Variants in PLEKHA7 observed in about 807,000 individuals in gnomAD.
PLEKHA7 encodes the protein pleckstrin homology domain-containing family A member 7.
A neutral mutation model predicts 170.0 loss-of-function variants in PLEKHA7; 104 were observed. The observed-to-expected ratio is 0.61, with a 90% CI of 0.52 to 0.72. PLEKHA7 has a LOEUF of 0.72. PLEKHA7 is among the 30% of genes least tolerant of loss of function. The probability of loss-of-function intolerance (pLI) is 0.00; values close to 1 mark genes in which losing one functional copy is unlikely to be tolerated. For missense variants in PLEKHA7, 1,615 were observed against 1,671.7 expected (o/e 0.97, Z 0.59); for synonymous variants, 648 against 660.8 (o/e 0.98, Z 0.30).
intron 3 of PLEKHA7, among the ~76,000 whole-genome samples, chr11:16,954,085 G>C (rs545620194): frequency 6.6e-6 from 1 of 152,172 alleles, no homozygotes; most frequent in South Asian, 2.1e-4. Flanking sequence ...CAAAGATAGA[G>C]GACACTCCAC....
At chr11:16,804,749 G>A (rs1848830720) in intron 13 of PLEKHA7, among the ~76,000 whole-genome samples, 1 of 152,224 alleles carries the variant, frequency 6.6e-6, no homozygotes, top group African/African-American at 2.4e-5. Context: ...GTGTTGTTGA[G>A]TTCCCGGAAA....
intron 3 of PLEKHA7, among the ~76,000 whole-genome samples, chr11:16,962,175 A>G (rs1227957158): frequency 6.6e-6 from 1 of 152,198 alleles, no homozygotes. Context: ...GCAAAGTGCT[A>G]GAGACAGACT....
rs546996975 is a variant in PLEKHA7, at chr11:16,789,412, A to G, written c.3157-116T>C. 5.3e-5 allele frequency: 52 copies of G among 974,244 alleles called. No homozygotes were observed. In the African/African-American group the frequency reaches 6.6e-4, roughly 12 times the overall value. The allele number at this position is 974,244 out of a possible 1,614,324, so 60.3% of individuals were successfully genotyped here. A position where few individuals can be genotyped will look rare whatever the true frequency, so the allele number is the denominator to read the frequency against. On this transcript the variant is annotated intron_variant, in intron 22 of 26. Coordinates refer to ENST00000531066, the MANE Select transcript of PLEKHA7 (RefSeq NM_001329630.2). The surrounding 1 kb of genome is among the most constrained non-coding windows in gnomAD (Gnocchi z 4.6). ...TCTCTCTCACACACATGCACACTCT[A>G]GTTGGGCTCCTCTTGGCCTTAGAGA...
intron 3 of PLEKHA7, among the ~76,000 whole-genome samples, chr11:16,896,180 A>C (rs1856981112): frequency 6.6e-6 from 1 of 152,188 alleles, no homozygotes; most frequent in Non-Finnish European, 1.5e-5. Context: ...ACTTCTTCCA[A>C]GATGTCCTCT....
At chr11:16,982,270 C>T (rs758499700) in intron 3 of PLEKHA7, among the ~76,000 whole-genome samples, 6 of 152,264 alleles carry the variant, frequency 3.9e-5, no homozygotes, top group Non-Finnish European at 8.8e-5. Context: ...AATGCAGGCT[C>T]CCTGCATAAA....
rs1370221268 is a variant in PLEKHA7 at position 16,791,839 on chromosome 11, A to G, written c.2746-640T>C. 3 of 373,412 alleles carry G rather than the reference A, an allele frequency of 8.0e-6. No homozygotes were observed. The highest frequency in any genetic ancestry group is 2.1e-5 in the African/African-American group (1 of 47,522). 23.1% of individuals were successfully genotyped at this position (373,412 alleles called of 1,614,324 possible). On this transcript the variant is annotated intron_variant, in intron 19 of 26. Coordinates refer to ENST00000531066, the MANE Select transcript of PLEKHA7 (RefSeq NM_001329630.2). This position sits in a 1 kb window ranked among gnomAD's most constrained non-coding sequence, Gnocchi z 4.5. Reference sequence around the variant, plus strand: ...TTCCCTAGAATGTGATGAATGCAACATTTTCCTTGAAACTCCCTGTCCACA... The same window carrying G: ...TTCCCTAGAATGTGATGAATGCAACGTTTTCCTTGAAACTCCCTGTCCACA...
At chr11:16,858,264 T>C (rs965034479) in intron 4 of PLEKHA7, among the ~76,000 whole-genome samples, 6 of 152,212 alleles carry the variant, frequency 3.9e-5, no homozygotes, top group African/African-American at 1.4e-4. Context: ...AAATTATATA[T>C]GTGACTTCAC....
At chr11:16,979,001 G>C (rs1443507060) in intron 3 of PLEKHA7, among the ~76,000 whole-genome samples, 3 of 152,130 alleles carry the variant, frequency 2.0e-5, no homozygotes, top group African/African-American at 7.2e-5. Flanking sequence ...ACCAGAACAA[G>C]ATTTGTAAAG....
intron 4 of PLEKHA7, among the ~76,000 whole-genome samples, chr11:16,865,211 G>A (rs933687558): frequency 3.9e-5 from 6 of 152,176 alleles, no homozygotes; most frequent in Admixed American, 6.5e-5. Flanking sequence ...CAAAAACCAC[G>A]ATGTAACAGA....
intron 9 of PLEKHA7, among the ~76,000 whole-genome samples, chr11:16,826,980 A>G (rs2134972544): frequency 6.6e-6 from 1 of 152,318 alleles, no homozygotes; most frequent in South Asian, 2.1e-4. Flanking sequence ...TGGAATAGGC[A>G]CTCCGTAACT....
intron 3 of PLEKHA7, among the ~76,000 whole-genome samples, chr11:16,972,278 C>T (rs1028088917): frequency 1.3e-5 from 2 of 152,010 alleles, no homozygotes; most frequent in East Asian, 1.9e-4. Flanking sequence ...CACACCACCA[C>T]ACTCAGCTAA....
chr11:16,970,200 C>T (rs1224272559), intron 3 of PLEKHA7, among the ~76,000 whole-genome samples: 3 of 152,320 alleles, frequency 2.0e-5, no homozygotes, highest in East Asian at 1.9e-4. Context: ...CTACCTCCTA[C>T]TCCACTCCCT....
chr11:16,783,911 C>T, intron 24 of PLEKHA7, 78 bp from the exon 25 acceptor site: 2 of 1,287,934 alleles, frequency 1.6e-6, no homozygotes, highest in South Asian at 4.6e-5. Context: ...ACCTCTGTCC[C>T]CTCCCACCAT....
chr11:16,943,275 A>G (rs1385711744), intron 3 of PLEKHA7, among the ~76,000 whole-genome samples: 2 of 151,288 alleles, frequency 1.3e-5, no homozygotes, highest in African/African-American at 2.4e-5. Flanking sequence ...TTTTTCTAGT[A>G]TTAAATCTCT....
intron 3 of PLEKHA7, among the ~76,000 whole-genome samples, chr11:17,011,388 A>G (rs1181851102): frequency 6.6e-6 from 1 of 152,044 alleles, no homozygotes; most frequent in African/African-American, 2.4e-5. Flanking sequence ...CATGCTGTAC[A>G]ATCTCCCACC....
intron 3 of PLEKHA7, among the ~76,000 whole-genome samples, chr11:16,963,090 G>GT (rs1223586733): frequency 3.3e-5 from 5 of 152,202 alleles, no homozygotes. Flanking sequence ...GACCCAGGAT[G>GT]TATCACGGAA....
At chr11:16,943,331 T>C (rs1439282357) in intron 3 of PLEKHA7, among the ~76,000 whole-genome samples, 1 of 152,110 alleles carries the variant, frequency 6.6e-6, no homozygotes, top group Non-Finnish European at 1.5e-5. Context: ...TAACCCAGAC[T>C]AGCTGAATTT....
intron 3 of PLEKHA7, among the ~76,000 whole-genome samples, chr11:16,951,001 C>G (rs1175313776): frequency 3.3e-5 from 5 of 152,174 alleles, no homozygotes; most frequent in Non-Finnish European, 5.9e-5. Flanking sequence ...TGTTAGCTCC[C>G]CAAGGGCCAG....
chr11:16,954,671 T>C (rs1297985161), intron 3 of PLEKHA7, among the ~76,000 whole-genome samples: 1 of 151,884 alleles, frequency 6.6e-6, no homozygotes, highest in Non-Finnish European at 1.5e-5. Context: ...ATTAACGACA[T>C]ACTTTACAGT....
Sources: gnomAD v4.1 joint callset for allele counts (sites outside exome capture counted in the v4.1 genomes callset) on GRCh38, gnomAD v4.1.1 for gene constraint, Gnocchi (gnomAD v3.1) non-coding constraint, MANE v1.5 for transcripts, NCBI Gene and HGNC (gene_info 2026-07-23, HGNC 2026-07-21) for gene names.